Variants in GAS7 observed in about 807,000 individuals in gnomAD.
The protein encoded by GAS7 is growth arrest-specific protein 7.
A neutral mutation model predicts 71.1 loss-of-function variants in GAS7; 28 were observed. The ratio of observed to expected loss-of-function variants is 0.39; its 90% CI spans 0.29 to 0.54. GAS7 has a LOEUF of 0.54. Ranked by LOEUF, GAS7 falls within the 20% of genes least tolerant of loss-of-function variation. GAS7 has a pLI of 0.62. For synonymous variants in GAS7, 258 were observed against 245.8 expected (o/e 1.05, Z -0.46); for missense variants, 436 against 627.8 (o/e 0.69, Z 3.27).
Position 9,926,686 on chromosome 17 carries a change from G to T in GAS7, c.969C>A (p.Ala323=). The T allele has an allele frequency of 6.2e-7, 1 of 1,613,890 alleles. No homozygotes were observed. Among genetic ancestry groups the T allele is most frequent in the Non-Finnish European group, 8.5e-7 (1 of 1,179,994 alleles). Residue 323 remains alanine (A), a synonymous_variant, in exon 10 of 14, where the codon GCC becomes GCA. Transcript: ENST00000432992. The surrounding 1 kb of genome is among the most constrained non-coding windows in gnomAD (Gnocchi z 5.0). ...GGCTGGCGAGCTGCTTGCGAAGGTCGGCAATGTGGTGGTCGCACTTCTTCA... is the reference window on the plus strand; with the variant it reads ...GGCTGGCGAGCTGCTTGCGAAGGTCTGCAATGTGGTGGTCGCACTTCTTCA... The part of the protein sequence containing the change: ...KDMKKCDHHI[A]DLRKQLASRY...
At chr17:9,941,938 T>A (rs1376760585) in intron 7 of GAS7, among the ~76,000 whole-genome samples, 1 of 152,190 alleles carries the variant, frequency 6.6e-6, no homozygotes, top group African/African-American at 2.4e-5. Context: ...ATTACTTGAT[T>A]ATTGCTGTTA....
intron 1 of GAS7, among the ~76,000 whole-genome samples, chr17:10,170,301 C>T (rs917881464): frequency 3.3e-5 from 5 of 152,114 alleles, no homozygotes; most frequent in African/African-American, 7.2e-5. Flanking sequence ...CAAAAGCCCT[C>T]GTGCTTTGGC....
intron 2 of GAS7, among the ~76,000 whole-genome samples, chr17:10,018,886 A>T (rs1409730466): frequency 3.9e-5 from 6 of 152,152 alleles, no homozygotes; most frequent in Non-Finnish European, 1.5e-5. Context: ...CTTGGAACGC[A>T]TGTCTGTGAT....
At chr17:10,155,286 G>C (rs758355030) in intron 1 of GAS7, among the ~76,000 whole-genome samples, 3 of 152,014 alleles carry the variant, frequency 2.0e-5, no homozygotes, top group African/African-American at 4.8e-5. Context: ...AAAGTGCTGG[G>C]ATTACAGGTG....
At chr17:10,088,338 C>A (rs1439257112) in intron 1 of GAS7, among the ~76,000 whole-genome samples, 1 of 151,962 alleles carries the variant, frequency 6.6e-6, no homozygotes, top group Non-Finnish European at 1.5e-5. Context: ...CATGGGTGAC[C>A]TTAGGAGGGA....
intron 8 of GAS7, among the ~76,000 whole-genome samples, chr17:9,935,407 T>C (rs2068364540): frequency 6.6e-6 from 1 of 152,238 alleles, no homozygotes; most frequent in African/African-American, 2.4e-5. Context: ...TTTAACCGCA[T>C]GACCCTTCCA....
intron 1 of GAS7, among the ~76,000 whole-genome samples, chr17:10,126,205 T>C (rs749872235): frequency 3.3e-5 from 5 of 152,180 alleles, no homozygotes; most frequent in African/African-American, 4.8e-5. Flanking sequence ...CAGGAGAAAG[T>C]ATTTGCTCTA....
At chr17:10,189,443 G>T (rs1274912255) in intron 1 of GAS7, among the ~76,000 whole-genome samples, 1 of 152,020 alleles carries the variant, frequency 6.6e-6, no homozygotes, top group East Asian at 1.9e-4. Flanking sequence ...CAAACCAAAG[G>T]CTTTTCCACT....
chr17:9,986,883 A>G (rs2070670054), intron 2 of GAS7, among the ~76,000 whole-genome samples: 1 of 152,162 alleles, frequency 6.6e-6, no homozygotes, highest in East Asian at 1.9e-4. Flanking sequence ...GATGGTGCTG[A>G]GCCAGGCCAG....
chr17:9,941,655 A>G (rs929286531), intron 7 of GAS7, among the ~76,000 whole-genome samples: 3 of 152,268 alleles, frequency 2.0e-5, no homozygotes, highest in African/African-American at 7.2e-5. Flanking sequence ...TTTGCTAACA[A>G]GACGTTGTCA....
chr17:9,945,060 G>A (rs2068740992), intron 6 of GAS7, among the ~76,000 whole-genome samples: 1 of 152,088 alleles, frequency 6.6e-6, no homozygotes, highest in African/African-American at 2.4e-5. Context: ...GCTGGATGCA[G>A]GCGGCATCAG....
At position 9,919,754 on chromosome 17, in the gene GAS7, G is replaced by A; in HGVS notation, c.1139-49C>T. On this transcript the variant is annotated intron_variant, in intron 11 of 13. Transcript: ENST00000432992. This position sits in a 1 kb window ranked among gnomAD's most constrained non-coding sequence, Gnocchi z 5.0. ...TCATGAAGCATCCTATCCTCACCAT[G>A]ACTCTGTGCCCCACCCTGAGCCCCA... 7.4e-7 allele frequency: 1 copy of A among 1,352,226 alleles called. No homozygotes were observed. The highest frequency in any genetic ancestry group is 1.1e-6 in the Non-Finnish European group (1 of 941,956). The allele number at this position is 1,352,226 out of a possible 1,614,324, so 83.8% of individuals were successfully genotyped here. A position where few individuals can be genotyped will look rare whatever the true frequency, so the allele number is the denominator to read the frequency against.
At chr17:10,131,751 GCTCATGAATGTATATA>G (rs2073998943) in intron 1 of GAS7, among the ~76,000 whole-genome samples, 1 of 152,104 alleles carries the variant, frequency 6.6e-6, no homozygotes, top group Admixed American at 6.5e-5. Flanking sequence ...GAATACATGT[GCTCATGAATGTATATA>G]CTCATGAATG....
chr17:10,002,695 A>T (rs2152168391), intron 2 of GAS7, among the ~76,000 whole-genome samples: 1 of 152,286 alleles, frequency 6.6e-6, no homozygotes, highest in Middle Eastern at 3.4e-3. Flanking sequence ...TTTGCTGAGA[A>T]TGATGGTTTC....
At chr17:10,019,321 T>C (rs1367389241) in intron 2 of GAS7, among the ~76,000 whole-genome samples, 1 of 152,086 alleles carries the variant, frequency 6.6e-6, no homozygotes, top group Non-Finnish European at 1.5e-5. Context: ...TGTAGTGAAA[T>C]TAGGGAAACC....
chr17:10,046,673 T>G (rs1202521510), intron 1 of GAS7, among the ~76,000 whole-genome samples: 2 of 146,906 alleles, frequency 1.4e-5, no homozygotes, highest in Admixed American at 1.3e-4. Flanking sequence ...GAGTCGGAGG[T>G]TGCAGTGAGC....
At chr17:9,966,131 T>TG (rs2069703992) in intron 4 of GAS7, among the ~76,000 whole-genome samples, 1 of 151,822 alleles carries the variant, frequency 6.6e-6, no homozygotes, top group Non-Finnish European at 1.5e-5. Flanking sequence ...CCCGAGTAGC[T>TG]GGGACTACAG....
intron 1 of GAS7, among the ~76,000 whole-genome samples, chr17:10,096,906 A>T (rs2073646514): frequency 6.6e-6 from 1 of 152,244 alleles, no homozygotes; most frequent in Non-Finnish European, 1.5e-5. Flanking sequence ...TTTGCAATAG[A>T]AAGGGTCCCA....
intron 5 of GAS7, among the ~76,000 whole-genome samples, chr17:9,957,686 G>A (rs2069301912): frequency 6.6e-6 from 1 of 151,120 alleles, no homozygotes; most frequent in Admixed American, 6.6e-5. Flanking sequence ...GATGGGGACT[G>A]TACCCTCTGG....
Sources: gnomAD v4.1 joint callset for allele counts (sites outside exome capture counted in the v4.1 genomes callset) on GRCh38, gnomAD v4.1.1 for gene constraint, Gnocchi (gnomAD v3.1) non-coding constraint, MANE v1.5 for transcripts, NCBI Gene and HGNC (gene_info 2026-07-23, HGNC 2026-07-21) for gene names.